The following AMACR variants were observed in gnomAD, a reference collection of about 807,000 sequenced individuals.
The protein encoded by AMACR is 2-methylacyl-CoA racemase.
In AMACR, 18 loss-of-function variants were observed where a neutral mutation model predicts 22.2. The observed-to-expected ratio is 0.81, with a 90% CI of 0.56 to 1.20. The LOEUF (loss-of-function observed/expected upper bound fraction) is 1.20, where lower values mean the gene tolerates loss of function less well. Ranked by LOEUF, AMACR falls within the 50% of genes most tolerant of loss-of-function variation. The pLI, the probability that AMACR is intolerant of heterozygous loss-of-function variation, is 0.00. For synonymous variants in AMACR, 213 were observed against 191.3 expected (o/e 1.11, Z -0.94); for missense variants, 499 against 490.6 (o/e 1.02, Z -0.16).
Position 33,988,930 on chromosome 5 carries a change from G to T in AMACR, c.*163C>A. On this transcript the variant is annotated 3_prime_UTR_variant, in exon 5 of 5. Coordinates refer to ENST00000335606, the MANE Select transcript of AMACR (RefSeq NM_014324.6). Reference sequence around the variant, plus strand: ...AAAGCCCTAATGATAACCATTTTTAGAATTCAATCATCACTGTAGAATCAG... The same window carrying T: ...AAAGCCCTAATGATAACCATTTTTATAATTCAATCATCACTGTAGAATCAG... The T allele has an allele frequency of 6.9e-7, 1 of 1,442,088 alleles. No individual in the cohort carries two copies. Among genetic ancestry groups the T allele is most frequent in the Non-Finnish European group, 9.1e-7 (1 of 1,103,732 alleles). 89.3% of individuals were successfully genotyped at this position (1,442,088 alleles called of 1,614,324 possible).
chr5:33,996,315 A>AT (rs1007673512), intron 4 of AMACR, among the ~76,000 whole-genome samples: 1 of 152,034 alleles, frequency 6.6e-6, no homozygotes, highest in Non-Finnish European at 1.5e-5. Flanking sequence ...ATTCCTGAGA[A>AT]TTTTTTTTGC....
intron 4 of AMACR, among the ~76,000 whole-genome samples, chr5:33,991,197 T>G (rs901176287): frequency 1.3e-5 from 2 of 152,202 alleles, no homozygotes; most frequent in African/African-American, 4.8e-5. Context: ...AGAAAAATAC[T>G]AGAAATCAAA....
intron 4 of AMACR, among the ~76,000 whole-genome samples, chr5:33,992,033 C>T (rs1227118526): frequency 1.3e-5 from 2 of 152,128 alleles, no homozygotes; most frequent in African/African-American, 4.8e-5. Flanking sequence ...TGCCTGCCAC[C>T]ATGCCCGGCA....
chr5:33,996,109 G>A (rs1753624699), intron 4 of AMACR, among the ~76,000 whole-genome samples: 1 of 151,980 alleles, frequency 6.6e-6, no homozygotes, highest in South Asian at 2.1e-4. Flanking sequence ...TCCATTCTCA[G>A]GGCTTGTCTT....
Position 33,989,233 on chromosome 5 carries a change from T to C in AMACR, c.1009A>G (p.Ile337Val). The C allele has an allele frequency of 2.5e-6, 4 of 1,614,186 alleles. 1 individual carries two copies. The highest frequency in any genetic ancestry group is 3.3e-4 in the Middle Eastern group (2 of 6,062). The change falls in exon 5 of 5, where the codon ATC (isoleucine) becomes GTC (valine). Residue 337 changes from isoleucine (I) to valine (V), a missense_variant. Physicochemically the swap from Ile to Val is conservative, Grantham distance 29 (BLOSUM62 3). Coordinates refer to ENST00000335606, the MANE Select transcript of AMACR (RefSeq NM_014324.6). ...AAAGGATCCCTTTTGAAAGAAGGGA[T>C]GGCTGGGGTGTTTAACAGCAGAGGT... ...PAPLLLNTPA[I>V]PSFKRDPFIG...
At position 33,987,313 on chromosome 5, in the gene AMACR, G is replaced by C. The variant is rs1753322242; in HGVS notation, c.*1780C>G. On this transcript the variant is annotated 3_prime_UTR_variant, in exon 5 of 5. Transcript: ENST00000335606. ...ACCTTATGGGAAAGTTCCTAAAAAT[G>C]GTTGAAGAACAAGACTGAAGGCTAG... 6.6e-6 allele frequency: 1 copy of C among 152,368 alleles called. No homozygotes were observed. The highest frequency in any genetic ancestry group is 2.1e-4 in the South Asian group (1 of 4,874). The allele number at this position is 152,368 out of a possible 1,614,324, so 9.4% of individuals were successfully genotyped here. A position where few individuals can be genotyped will look rare whatever the true frequency, so the allele number is the denominator to read the frequency against.
At chr5:34,004,755 TTA>T (rs745999216) in intron 2 of AMACR, 21 bp from the exon 3 acceptor site, 2 of 1,612,390 alleles carry the variant, frequency 1.2e-6, no homozygotes, top group Non-Finnish European at 1.7e-6. Flanking sequence ...AAAAACAAAT[TTA>T]ATGTCTCTTT....
Position 33,988,634 on chromosome 5 carries a change from A to T in AMACR, c.*459T>A. The T allele has an allele frequency of 7.9e-7, 1 of 1,268,870 alleles. No individual in the cohort carries two copies. Among genetic ancestry groups the T allele is most frequent in the Admixed American group, 3.7e-5 (1 of 26,680 alleles). 78.6% of individuals were successfully genotyped at this position (1,268,870 alleles called of 1,614,324 possible). A position where few individuals can be genotyped will look rare whatever the true frequency, so the allele number is the denominator to read the frequency against. On this transcript the variant is annotated 3_prime_UTR_variant, in exon 5 of 5. Coordinates refer to ENST00000335606, the MANE Select transcript of AMACR (RefSeq NM_014324.6). ...ATGTGCTTAGAGGGAGATCATGAAC[A>T]CCAAGACAAAAGGCCTGGATGCAAC...
intron 1 of AMACR, 29 bp from the exon 2 acceptor site, chr5:34,005,928 G>A: frequency 6.2e-7 from 1 of 1,613,452 alleles, no homozygotes; most frequent in Non-Finnish European, 8.5e-7. Flanking sequence ...ATCTTCTTAA[G>A]AGAGTATGAA....
chr5:33,999,483 T>A (rs1317933380), intron 3 of AMACR, among the ~76,000 whole-genome samples: 1 of 152,206 alleles, frequency 6.6e-6, no homozygotes, highest in Non-Finnish European at 1.5e-5. Context: ...CCTAAAGTCA[T>A]CTCATCACGC....
intron 3 of AMACR, among the ~76,000 whole-genome samples, chr5:34,001,344 A>T: frequency 6.6e-6 from 1 of 152,218 alleles, no homozygotes; most frequent in East Asian, 1.9e-4. Context: ...ACGGAAAATG[A>T]TGTACAGAAA....
chr5:34,007,224 C>T (rs75718614), intron 1 of AMACR, among the ~76,000 whole-genome samples: 52 of 152,174 alleles, frequency 3.4e-4, no homozygotes, highest in African/African-American at 1.3e-3. Context: ...CAGCGTCTGC[C>T]GCTCTGAAAG....
At chr5:33,994,854 T>C (rs1241781835) in intron 4 of AMACR, among the ~76,000 whole-genome samples, 1 of 152,200 alleles carries the variant, frequency 6.6e-6, no homozygotes, top group Non-Finnish European at 1.5e-5. Context: ...ATGACCCTGC[T>C]AGAAAAATGT....
At position 33,988,825 on chromosome 5, in the gene AMACR, TATC is replaced by T; in HGVS notation, c.*265_*267del. On this transcript the variant is annotated 3_prime_UTR_variant, in exon 5 of 5. Transcript: ENST00000335606. ...TCAAAATATAAGTCAAGAATCTTAA[TATC>T]AACAAATATATCAAGCAAACTGGAA... 2.3e-6 allele frequency: 3 copies of T among 1,307,336 alleles called. No homozygotes were observed. Among genetic ancestry groups the T allele is most frequent in the Non-Finnish European group, 2.9e-6 (3 of 1,027,642 alleles). 81.0% of individuals were successfully genotyped at this position (1,307,336 alleles called of 1,614,324 possible). A position where few individuals can be genotyped will look rare whatever the true frequency, so the allele number is the denominator to read the frequency against.
chr5:34,007,788 C>G lies in AMACR; in HGVS notation c.232G>C (p.Glu78Gln). 6.4e-7 allele frequency: 1 copy of G among 1,565,928 alleles called. No individual in the cohort carries two copies. Among genetic ancestry groups the G allele is most frequent in the East Asian group, 2.3e-5 (1 of 42,962 alleles). ...CCGGGCTCACCGCGGCGGAAGGGCTCCAGCAGCACATCCGACCGCTTGCAC... is the reference window on the plus strand; with the variant it reads ...CCGGGCTCACCGCGGCGGAAGGGCTGCAGCAGCACATCCGACCGCTTGCAC... The part of the protein sequence containing the change: ...RLCKRSDVLL[E>Q]PFRRGVMEKL... Residue 78 changes from glutamate to glutamine, a missense_variant, in exon 1 of 5, where the codon GAG (glutamate) becomes CAG (glutamine). Coordinates refer to ENST00000335606, the MANE Select transcript of AMACR (RefSeq NM_014324.6).
intron 4 of AMACR, among the ~76,000 whole-genome samples, chr5:33,995,452 G>A (rs1753606016): frequency 6.6e-6 from 1 of 152,198 alleles, no homozygotes; most frequent in Admixed American, 6.5e-5. Context: ...TTGTGAAGAA[G>A]GGGAGAAGGA....
chr5:33,988,967 C>CTTTTTTTTTTTTTTTTTTT lies in AMACR; in HGVS notation c.*125_*126insAAAAAAAAAAAAAAAAAAA. 6.6e-7 allele frequency: 1 copy of CTTTTTTTTTTTTTTTTTTT among 1,514,626 alleles called. No individual in the cohort carries two copies. Among genetic ancestry groups the CTTTTTTTTTTTTTTTTTTT allele is most frequent in the South Asian group, 1.3e-5 (1 of 78,544 alleles). 93.8% of individuals were successfully genotyped at this position (1,514,626 alleles called of 1,614,324 possible). Reference sequence around the variant, plus strand: ...CACTGTAGAATCAGAGTCTGTAATTCTTTTCTTGATTAGAGTGGTAGGACA... The same window carrying CTTTTTTTTTTTTTTTTTTT: ...CACTGTAGAATCAGAGTCTGTAATTCTTTTTTTTTTTTTTTTTTTTTTTCTTGATTAGAGTGGTAGGACA... On this transcript the variant is annotated 3_prime_UTR_variant, in exon 5 of 5. Transcript: ENST00000335606.
intron 1 of AMACR, among the ~76,000 whole-genome samples, chr5:34,006,932 G>A (rs1753997931): frequency 6.6e-6 from 1 of 152,212 alleles, no homozygotes; most frequent in Non-Finnish European, 1.5e-5. Flanking sequence ...GTTTTTAAAA[G>A]GCTGTCACAC....
intron 4 of AMACR, chr5:33,997,269 A>G (rs1389895789): frequency 1.3e-6 from 1 of 772,170 alleles, no homozygotes; most frequent in Non-Finnish European, 2.4e-6. Context: ...CCGGATTCCC[A>G]CTATTTAGTT....
Sources: allele counts gnomAD v4.1 joint callset (sites outside exome capture counted in the v4.1 genomes callset), GRCh38; gene constraint gnomAD v4.1.1; transcripts MANE v1.5; gene names NCBI Gene and HGNC (gene_info 2026-07-23, HGNC 2026-07-21).